PLCB1: variants seen among roughly 807,000 people sequenced by gnomAD.
PLCB1 encodes the protein 1-phosphatidylinositol 4,5-bisphosphate phosphodiesterase beta-1.
PLCB1 carries 46 observed loss-of-function variants against 161.8 expected under a neutral mutation model. The observed-to-expected ratio is 0.28, with a 90% CI of 0.22 to 0.36. The LOEUF is 0.36. Ranked by LOEUF, PLCB1 falls within the 10% of genes least tolerant of loss-of-function variation. The pLI is 1.00. For synonymous variants in PLCB1, 517 were observed against 503.7 expected, an observed-to-expected ratio of 1.03 and a Z score of -0.35; for missense variants, 1,016 against 1,472.5, an observed-to-expected ratio of 0.69 and a Z score of 5.07.
At chr20:8,183,523 G>T (rs1026418169) in intron 2 of PLCB1, among the ~76,000 whole-genome samples, 1 of 152,124 alleles carries the variant, frequency 6.6e-6, no homozygotes, top group African/African-American at 2.4e-5. Flanking sequence ...CAGTCACAGT[G>T]TTAAAATAAC....
intron 15 of PLCB1, 48 bp from the exon 16 acceptor site, chr20:8,724,608 A>G: frequency 9.7e-7 from 1 of 1,032,712 alleles, no homozygotes; most frequent in Non-Finnish European, 1.5e-6. Flanking sequence ...ATAACTGATA[A>G]TATAATGCTG....
intron 3 of PLCB1, among the ~76,000 whole-genome samples, chr20:8,471,232 G>A (rs1293378046): frequency 1.3e-5 from 2 of 152,114 alleles, no homozygotes; most frequent in Non-Finnish European, 1.5e-5. Flanking sequence ...CTCAATAAAC[G>A]GGATGGAGTG....
intron 3 of PLCB1, among the ~76,000 whole-genome samples, chr20:8,447,507 A>G (rs1268575171): frequency 2.0e-5 from 3 of 152,204 alleles, no homozygotes; most frequent in Non-Finnish European, 4.4e-5. Flanking sequence ...TGTGAGTAAC[A>G]GTCTAGGGAA....
chr20:8,482,848 T>C (rs1456140440), intron 3 of PLCB1, among the ~76,000 whole-genome samples: 1 of 151,906 alleles, frequency 6.6e-6, no homozygotes, highest in Non-Finnish European at 1.5e-5. Flanking sequence ...GAGGGTATTA[T>C]GGATGGCAAA....
intron 3 of PLCB1, among the ~76,000 whole-genome samples, chr20:8,539,553 G>A (rs147896477): frequency 3.0e-4 from 45 of 152,046 alleles, no homozygotes; most frequent in African/African-American, 1.1e-3. Context: ...CTGTTATACT[G>A]TTTTATCCCC....
intron 2 of PLCB1, among the ~76,000 whole-genome samples, chr20:8,347,713 T>C (rs925369672): frequency 2.6e-5 from 4 of 152,228 alleles, no homozygotes; most frequent in African/African-American, 9.6e-5. Context: ...CTTATAATGT[T>C]ACTATAACAA....
intron 2 of PLCB1, among the ~76,000 whole-genome samples, chr20:8,152,358 C>T (rs564946476): frequency 8.3e-4 from 126 of 152,126 alleles, no homozygotes; most frequent in Middle Eastern, 3.4e-3. Flanking sequence ...GAAGCCCAGC[C>T]CTGGAACCAG....
intron 7 of PLCB1, among the ~76,000 whole-genome samples, chr20:8,655,239 T>C (rs967080455): frequency 6.6e-6 from 1 of 152,180 alleles, no homozygotes; most frequent in Non-Finnish European, 1.5e-5. Flanking sequence ...GTTAGTTAAA[T>C]TTGATATTTC....
intron 13 of PLCB1, among the ~76,000 whole-genome samples, chr20:8,716,951 A>G (rs901423095): frequency 6.6e-6 from 1 of 152,224 alleles, no homozygotes; most frequent in South Asian, 2.1e-4. Flanking sequence ...AGCCAAGAAT[A>G]GAGGACTAAC....
Position 8,197,843 on chromosome 20 carries a change from G to C in PLCB1, c.177+47472G>C, listed in dbSNP as rs138584060. On this transcript the variant is annotated intron_variant, in intron 2 of 31. Coordinates refer to ENST00000338037, the MANE Select transcript of PLCB1 (RefSeq NM_015192.4). ...TCTTGAATTAATTTTTGTTTAAGGT[G>C]TAAGGAAGGGATCCAGTTTCAGCTT... Among the ~76,000 whole-genome samples, 316 of 152,278 alleles carry C rather than the reference G, an allele frequency of 2.1e-3. 3 individuals are homozygous for C. Among genetic ancestry groups the C allele is most frequent in the Middle Eastern group, 0.017 (5 of 294 alleles).
At chr20:8,437,767 A>C (rs1259395414) in intron 3 of PLCB1, among the ~76,000 whole-genome samples, 1 of 152,190 alleles carries the variant, frequency 6.6e-6, no homozygotes, top group Non-Finnish European at 1.5e-5. Context: ...GGCTCTGGGA[A>C]CCTTCAAGAC....
intron 3 of PLCB1, among the ~76,000 whole-genome samples, chr20:8,577,997 C>T (rs1986727591): frequency 6.6e-6 from 1 of 152,196 alleles, no homozygotes; most frequent in African/African-American, 2.4e-5. Context: ...AAGCCTGATG[C>T]CTTCAGCCCA....
At chr20:8,724,313 C>T (rs1419306902) in intron 15 of PLCB1, among the ~76,000 whole-genome samples, 1 of 152,108 alleles carries the variant, frequency 6.6e-6, no homozygotes, top group Non-Finnish European at 1.5e-5. Flanking sequence ...CTTTGATGGG[C>T]ATTCCAATGA....
intron 3 of PLCB1, among the ~76,000 whole-genome samples, chr20:8,550,595 G>A (rs747482892): frequency 9.2e-5 from 14 of 152,024 alleles, no homozygotes; most frequent in Non-Finnish European, 1.9e-4. Context: ...TAAATTGCCC[G>A]ATCTCAGGTA....
intron 11 of PLCB1, among the ~76,000 whole-genome samples, chr20:8,705,911 C>T (rs759849568): frequency 2.0e-5 from 3 of 152,126 alleles, no homozygotes; most frequent in African/African-American, 4.8e-5. Context: ...TAGAAAGGAG[C>T]GAAACTGTCT....
intron 2 of PLCB1, among the ~76,000 whole-genome samples, chr20:8,183,484 C>G (rs1039688395): frequency 6.6e-6 from 1 of 152,062 alleles, no homozygotes; most frequent in African/African-American, 2.4e-5. Context: ...AAGAAATAAA[C>G]AAACATAAGG....
chr20:8,343,672 G>T (rs1985895376), intron 2 of PLCB1, among the ~76,000 whole-genome samples: 1 of 152,156 alleles, frequency 6.6e-6, no homozygotes, highest in African/African-American at 2.4e-5. Context: ...GGTATAAGCA[G>T]CCCTAAGAAG....
At chr20:8,676,830 A>G (rs1225271161) in intron 9 of PLCB1, among the ~76,000 whole-genome samples, 6 of 152,320 alleles carry the variant, frequency 3.9e-5, no homozygotes, top group East Asian at 1.9e-4. Flanking sequence ...AAAAGCAGGG[A>G]AAAAAGTAAC....
At chr20:8,438,399 A>C (rs1459804377) in intron 3 of PLCB1, among the ~76,000 whole-genome samples, 1 of 152,246 alleles carries the variant, frequency 6.6e-6, no homozygotes, top group Non-Finnish European at 1.5e-5. Flanking sequence ...CCAGAAGCAA[A>C]GTAAAACACT....
Sources: gnomAD v4.1 joint callset for allele counts (sites outside exome capture counted in the v4.1 genomes callset) on GRCh38, gnomAD v4.1.1 for gene constraint, MANE v1.5 for transcripts, NCBI Gene and HGNC (gene_info 2026-07-23, HGNC 2026-07-21) for gene names.